The following MTA3 variants were observed in gnomAD, a reference collection of about 807,000 sequenced individuals.
MTA3 encodes the protein metastasis associated 1 family member 3.
A neutral mutation model predicts 83.5 loss-of-function variants in MTA3; 34 were observed. The observed-to-expected ratio is 0.41, with a 90% CI of 0.31 to 0.54. The LOEUF (loss-of-function observed/expected upper bound fraction) is 0.54. MTA3 is among the 20% of genes least tolerant of loss of function. The pLI is 0.33. For missense variants in MTA3, 761 were observed against 726.4 expected (o/e 1.05, Z -0.55); for synonymous variants, 303 against 252.7 (o/e 1.20, Z -1.89).
chr2:42,754,727 G>A lies in MTA3; in HGVS notation c.*1328G>A. The stretch of plus-strand genomic sequence containing the variant: ...GGCAGCTGGATGGCAGATACGAGAG[G>A]CCCAAATAGCCAAGCTGTTGCAAGA... On this transcript the variant is annotated 3_prime_UTR_variant, in exon 17 of 17. Transcript: ENST00000405094. 1 of 985,528 alleles carries A rather than the reference G, an allele frequency of 1.0e-6. No individual in the cohort carries two copies. Among genetic ancestry groups the A allele is most frequent in the Non-Finnish European group, 1.2e-6 (1 of 829,986 alleles). The allele number at this position is 985,528 out of a possible 1,614,324, so 61.0% of individuals were successfully genotyped here.
intron 4 of MTA3, among the ~76,000 whole-genome samples, chr2:42,617,615 A>G (rs763078023): frequency 1.5e-4 from 23 of 152,004 alleles, no homozygotes; most frequent in Non-Finnish European, 2.8e-4. Context: ...CATCTCTACT[A>G]AAAATACAAA....
intron 16 of MTA3, among the ~76,000 whole-genome samples, chr2:42,740,037 C>G (rs755765283): frequency 8.5e-5 from 13 of 152,152 alleles, no homozygotes; most frequent in Non-Finnish European, 1.5e-4. Context: ...CTTCTGAACT[C>G]CTGTTAGTAT....
intron 2 of MTA3, chr2:42,511,969 A>T (rs1442531683): frequency 2.0e-5 from 3 of 151,922 alleles, no homozygotes; most frequent in Non-Finnish European, 4.4e-5. Flanking sequence ...GTGAGCCGAG[A>T]TTGCACCACT....
At chr2:42,722,767 G>T (rs1392604898) in intron 15 of MTA3, 122 bp from the exon 16 acceptor site, 2 of 1,155,404 alleles carry the variant, frequency 1.7e-6, no homozygotes, top group East Asian at 5.2e-5. Flanking sequence ...GTCCTTGGCT[G>T]GCTCAGGAGG....
chr2:42,627,725 A>ATTTTTTTT (rs869227831), intron 4 of MTA3, among the ~76,000 whole-genome samples: 2,869 of 102,474 alleles, frequency 0.028, no homozygotes, highest in African/African-American at 0.034. Flanking sequence ...GCCTGGCTAA[A>ATTTTTTTT]TTTTTTTTTT....
At chr2:42,701,103 A>G (rs895965142) in intron 11 of MTA3, among the ~76,000 whole-genome samples, 1 of 152,176 alleles carries the variant, frequency 6.6e-6, no homozygotes, top group Admixed American at 6.5e-5. Flanking sequence ...GTCTCTAAAA[A>G]AATTAAGTAG....
chr2:42,655,611 CT>C (rs1689096244), intron 6 of MTA3, among the ~76,000 whole-genome samples: 1 of 151,984 alleles, frequency 6.6e-6, no homozygotes, highest in South Asian at 2.1e-4. Flanking sequence ...TGCTTTCTTT[CT>C]TTTTTTCTGA....
intron 8 of MTA3, among the ~76,000 whole-genome samples, chr2:42,664,097 T>C (rs1210195518): frequency 6.6e-6 from 1 of 152,160 alleles, no homozygotes; most frequent in Non-Finnish European, 1.5e-5. Flanking sequence ...CCCTTCCACC[T>C]CATTTTTGTT....
chr2:42,503,429 A>G (rs185346886), intron 2 of MTA3, among the ~76,000 whole-genome samples: 3 of 152,264 alleles, frequency 2.0e-5, no homozygotes, highest in African/African-American at 2.4e-5. Flanking sequence ...CCAACCTCCT[A>G]TCTCAACCTG....
intron 4 of MTA3, among the ~76,000 whole-genome samples, chr2:42,629,301 G>A (rs911608394): frequency 1.3e-5 from 2 of 151,956 alleles, no homozygotes; most frequent in African/African-American, 4.8e-5. Context: ...GGCTGATCTC[G>A]AACTCCTGAC....
At chr2:42,709,403 A>G (rs1666409153) in intron 14 of MTA3, 2 of 846,950 alleles carry the variant, frequency 2.4e-6, no homozygotes, top group Non-Finnish European at 3.2e-6. Context: ...CAGAGCCCTT[A>G]TTGAAGCACT....
intron 3 of MTA3, among the ~76,000 whole-genome samples, chr2:42,601,582 G>A (rs1368322716): frequency 6.6e-6 from 1 of 152,166 alleles, no homozygotes; most frequent in African/African-American, 2.4e-5. Context: ...GACATGAGGT[G>A]TTACTATATT....
chr2:42,603,943 G>A (rs1162392558), intron 3 of MTA3, among the ~76,000 whole-genome samples: 1 of 152,190 alleles, frequency 6.6e-6, no homozygotes, highest in East Asian at 1.9e-4. Context: ...TAGATACGGA[G>A]CTTCATTGTG....
chr2:42,692,665 G>T (rs902091736), intron 9 of MTA3, among the ~76,000 whole-genome samples: 3 of 152,126 alleles, frequency 2.0e-5, no homozygotes, highest in Non-Finnish European at 4.4e-5. Context: ...GGCCTTACGT[G>T]ATCCTCCTGC....
intron 12 of MTA3, among the ~76,000 whole-genome samples, chr2:42,704,969 A>G (rs1665934565): frequency 6.6e-6 from 1 of 152,184 alleles, no homozygotes; most frequent in South Asian, 2.1e-4. Flanking sequence ...TGGTGATATT[A>G]TCATCTATGT....
At chr2:42,641,598 A>G (rs1190029466) in intron 5 of MTA3, among the ~76,000 whole-genome samples, 1 of 152,096 alleles carries the variant, frequency 6.6e-6, no homozygotes, top group African/African-American at 2.4e-5. Context: ...ATGTGATCCC[A>G]GCGCTTTGGG....
At chr2:42,607,088 G>GGGTAGGGGTAGAGGTAGA (rs1683545479) in intron 3 of MTA3, among the ~76,000 whole-genome samples, 1 of 132,754 alleles carries the variant, frequency 7.5e-6, no homozygotes, top group African/African-American at 3.1e-5. Context: ...GTAGGGGTAG[G>GGGTAGGGGTAGAGGTAGA]GGTAGGGGTA....
intron 3 of MTA3, among the ~76,000 whole-genome samples, chr2:42,580,333 G>A (rs1218788015): frequency 6.6e-6 from 1 of 151,216 alleles, no homozygotes; most frequent in Non-Finnish European, 1.5e-5. Flanking sequence ...AGGATGTGCA[G>A]GTTTTATTAT....
rs10690551 is a variant in MTA3 at position 42,597,684 on chromosome 2, G to GTTTTT, written c.191-11764_191-11760dup. On this transcript the variant is annotated intron_variant, in intron 3 of 16. Transcript: ENST00000405094. ...CAGGTGTGAGCCACCTCACCCACCT[G>GTTTTT]TTTTTTTTTTTTTTGAGATGGGGTC... 8.2e-4 allele frequency among the ~76,000 whole-genome samples: 106 copies of GTTTTT among 128,962 alleles called. 3 individuals are homozygous for GTTTTT. Among genetic ancestry groups the GTTTTT allele is most frequent in the African/African-American group, 2.8e-3 (96 of 33,760 alleles). 84.6% of individuals were successfully genotyped at this position (128,962 alleles called of 152,430 possible).
Sources: gnomAD v4.1 joint callset for allele counts (sites outside exome capture counted in the v4.1 genomes callset) on GRCh38, gnomAD v4.1.1 for gene constraint, MANE v1.5 for transcripts, NCBI Gene and HGNC (gene_info 2026-07-23, HGNC 2026-07-21) for gene names.